The following TCF12 variants were observed in gnomAD, a reference collection of about 807,000 sequenced individuals.
The protein encoded by TCF12 is DNA-binding protein HTF4.
TCF12 carries 45 observed loss-of-function variants against 86.0 expected under a neutral mutation model. The ratio of observed to expected loss-of-function variants is 0.52; its 90% CI spans 0.41 to 0.67. The LOEUF is 0.67. Among genes scored for constraint, TCF12 ranks in the 30% least tolerant of loss-of-function variants. TCF12 has a pLI of 0.00. For missense variants in TCF12, 881 were observed against 859.9 expected (o/e 1.02, Z -0.31); for synonymous variants, 330 against 299.6 (o/e 1.10, Z -1.05).
At chr15:57,205,475 G>A (rs2057765801) in intron 8 of TCF12, among the ~76,000 whole-genome samples, 1 of 152,134 alleles carries the variant, frequency 6.6e-6, no homozygotes, top group Non-Finnish European at 1.5e-5. Flanking sequence ...TTAGTTCCTT[G>A]GGCAAACAGC....
intron 16 of TCF12, among the ~76,000 whole-genome samples, chr15:57,256,609 C>T (rs1407964580): frequency 2.4e-5 from 3 of 124,866 alleles, no homozygotes; most frequent in East Asian, 5.4e-4. Context: ...AGAAGTTTGT[C>T]GATTTTTTCC....
At chr15:56,966,119 A>C (rs1315535448) in intron 3 of TCF12, among the ~76,000 whole-genome samples, 6 of 152,174 alleles carry the variant, frequency 3.9e-5, no homozygotes, top group African/African-American at 1.4e-4. Flanking sequence ...TTTTTACACT[A>C]GTGTGCATTT....
chr15:57,166,509 C>G, intron 6 of TCF12, 43 bp downstream of exon 6: 1 of 1,533,918 alleles, frequency 6.5e-7, no homozygotes, highest in Non-Finnish European at 9.0e-7. Flanking sequence ...GGTTTTTAAA[C>G]ACATAAATAA....
At chr15:57,020,043 TG>T (rs1401566793) in intron 3 of TCF12, among the ~76,000 whole-genome samples, 2 of 152,090 alleles carry the variant, frequency 1.3e-5, no homozygotes, top group Non-Finnish European at 2.9e-5. Flanking sequence ...AGAAGCAAGG[TG>T]GGGTCAGCCA....
chr15:57,215,194 A>C (rs1274830586), intron 8 of TCF12, among the ~76,000 whole-genome samples: 1 of 152,158 alleles, frequency 6.6e-6, no homozygotes, highest in African/African-American at 2.4e-5. Flanking sequence ...TAAAACCTGG[A>C]ATTTTGATGT....
intron 5 of TCF12, among the ~76,000 whole-genome samples, chr15:57,113,453 A>G (rs1304027711): frequency 6.6e-6 from 1 of 152,126 alleles, no homozygotes; most frequent in Non-Finnish European, 1.5e-5. Flanking sequence ...TTCTATCTGT[A>G]TCTTCTACAA....
chr15:57,011,726 C>G (rs1317537876), intron 3 of TCF12, among the ~76,000 whole-genome samples: 1 of 152,098 alleles, frequency 6.6e-6, no homozygotes, highest in Non-Finnish European at 1.5e-5. Flanking sequence ...CAGGACCCCC[C>G]AGTCTTCCTA....
chr15:57,037,214 C>T (rs974149744), intron 3 of TCF12, among the ~76,000 whole-genome samples: 1 of 152,016 alleles, frequency 6.6e-6, no homozygotes, highest in East Asian at 1.9e-4. Flanking sequence ...TTTGGGAGGC[C>T]AAGGCGAGCG....
rs113887174 is a variant in TCF12, at chr15:57,205,120, C to G, written c.579+7295C>G. On this transcript the variant is annotated intron_variant, in intron 8 of 20. Coordinates refer to ENST00000333725, the MANE Select transcript of TCF12 (RefSeq NM_207037.2). The stretch of plus-strand genomic sequence containing the variant: ...TTGAGCCCAGGAGTTCGAGATCTGC[C>G]TAGCCAACATAATGGAACCCCGCCT... Among the ~76,000 whole-genome samples, 27 of 152,018 alleles carry G rather than the reference C, an allele frequency of 1.8e-4. 1 individual carries two copies. The highest frequency in any genetic ancestry group is 6.8e-3 in the Middle Eastern group (2 of 294).
At chr15:56,970,479 C>CAAA (rs59118732) in intron 3 of TCF12, among the ~76,000 whole-genome samples, 11 of 65,472 alleles carry the variant, frequency 1.7e-4, no homozygotes, top group Non-Finnish European at 2.2e-4. Context: ...GACTCCATCT[C>CAAA]AAAAAAAAAA....
chr15:57,120,387 C>T (rs1362976053), intron 5 of TCF12, among the ~76,000 whole-genome samples: 1 of 152,190 alleles, frequency 6.6e-6, no homozygotes, highest in Non-Finnish European at 1.5e-5. Context: ...TGATTCATTT[C>T]TTCCCTTGGC....
At chr15:57,068,132 C>T (rs1430012278) in intron 4 of TCF12, among the ~76,000 whole-genome samples, 1 of 152,026 alleles carries the variant, frequency 6.6e-6, no homozygotes, top group Non-Finnish European at 1.5e-5. Context: ...CCACTTACTA[C>T]CTGTGTGATT....
In TCF12 at chr15:57,055,454, T is replaced by G. The variant is rs76306906; in HGVS notation, c.149-8296T>G. Among the ~76,000 whole-genome samples the G allele has an allele frequency of 6.2e-3, 938 of 152,270 alleles. 8 individuals carry two copies. The highest frequency in any genetic ancestry group is 0.021 in the African/African-American group (890 of 41,550). On this transcript the variant is annotated intron_variant, in intron 3 of 20. Coordinates refer to ENST00000333725, the MANE Select transcript of TCF12 (RefSeq NM_207037.2). Reference sequence around the variant, plus strand: ...TCAGCCTGAAGAACTTCTTTTAATATTTCTTATACCAAAGTTATACTGGTA... The same window carrying G: ...TCAGCCTGAAGAACTTCTTTTAATAGTTCTTATACCAAAGTTATACTGGTA...
chr15:56,957,958 G>A (rs1419384315), intron 3 of TCF12, among the ~76,000 whole-genome samples: 1 of 152,166 alleles, frequency 6.6e-6, no homozygotes, highest in Non-Finnish European at 1.5e-5. Context: ...TGTTTTGTGT[G>A]CTCTTTCAGT....
At chr15:57,209,916 C>T (rs1453443252) in intron 8 of TCF12, among the ~76,000 whole-genome samples, 1 of 152,144 alleles carries the variant, frequency 6.6e-6, no homozygotes, top group Non-Finnish European at 1.5e-5. Context: ...TTTGCATTTG[C>T]AGTTTATGGA....
chr15:57,262,898 T>TAAATACAAATGC (rs2060653893), intron 17 of TCF12, among the ~76,000 whole-genome samples: 2 of 152,344 alleles, frequency 1.3e-5, no homozygotes, highest in South Asian at 4.1e-4. Flanking sequence ...GGGGTCAGAC[T>TAAATACAAATGC]TGTTCTTCTA....
At chr15:57,233,014 T>C (rs1410646635) in intron 11 of TCF12, among the ~76,000 whole-genome samples, 158 bp downstream of exon 11, 1 of 122,466 alleles carries the variant, frequency 8.2e-6, no homozygotes, top group Non-Finnish European at 2.0e-5. Flanking sequence ...ATATGTGTTA[T>C]ATATGTATAT....
At chr15:57,028,115 C>G (rs573291752) in intron 3 of TCF12, among the ~76,000 whole-genome samples, 1 of 152,252 alleles carries the variant, frequency 6.6e-6, no homozygotes, top group African/African-American at 2.4e-5. Context: ...AGGCACGCAT[C>G]ACCACACCCA....
chr15:57,138,545 A>G (rs1344160262), intron 5 of TCF12, among the ~76,000 whole-genome samples: 2 of 788 alleles, frequency 2.5e-3, no homozygotes, highest in East Asian at 0.11. Flanking sequence ...TTCCTATCTA[A>G]CCGAAAGGAA....
Sources: allele counts gnomAD v4.1 joint callset (sites outside exome capture counted in the v4.1 genomes callset), GRCh38; gene constraint gnomAD v4.1.1; transcripts MANE v1.5; gene names NCBI Gene and HGNC (gene_info 2026-07-23, HGNC 2026-07-21).